The following LOC112694756 variants were observed in gnomAD, a reference collection of about 807,000 sequenced individuals.
chr16:30,054,095 G>A, the LOC112694756 span, among the ~76,000 whole-genome samples: 1 of 152,094 alleles, frequency 6.6e-6, no homozygotes, highest in African/African-American at 2.4e-5. Flanking sequence ...CGAGGCGGGC[G>A]GATCACCTGA....
At chr16:30,065,214 C>A in the LOC112694756 span, among the ~76,000 whole-genome samples, 1 of 152,230 alleles carries the variant, frequency 6.6e-6, no homozygotes. Context: ...GATGCCCTTT[C>A]CTCCGCCTCC....
the LOC112694756 span, among the ~76,000 whole-genome samples, chr16:30,055,777 G>T: frequency 6.6e-6 from 1 of 150,960 alleles, no homozygotes; most frequent in South Asian, 2.1e-4. Context: ...GGGTCCTCCC[G>T]TCTCCTCCCC....
At chr16:30,058,388 A>T in the LOC112694756 span, among the ~76,000 whole-genome samples, 2 of 151,938 alleles carry the variant, frequency 1.3e-5, no homozygotes, top group South Asian at 4.2e-4. Context: ...AGTGACTTGG[A>T]GGTTATATGG....
At chr16:30,055,743 T>G in the LOC112694756 span, among the ~76,000 whole-genome samples, 1 of 152,106 alleles carries the variant, frequency 6.6e-6, no homozygotes, top group Admixed American at 6.6e-5. Context: ...AAGTTGTTTT[T>G]TTTTCTTTCC....
At chr16:30,066,845 C>T in the LOC112694756 span, 6 of 1,532,012 alleles carry the variant, frequency 3.9e-6, no homozygotes, top group East Asian at 2.5e-5. Flanking sequence ...GATTCACGAT[C>T]TTTACATTCT....
the LOC112694756 span, among the ~76,000 whole-genome samples, chr16:30,059,769 G>T: frequency 6.6e-6 from 1 of 151,314 alleles, no homozygotes; most frequent in Non-Finnish European, 1.5e-5. Flanking sequence ...CACCATGTTG[G>T]CCAGGCTGGT....
chr16:30,069,479 G>A, the LOC112694756 span: 415 of 1,613,990 alleles, frequency 2.6e-4, 2 homozygotes, highest in Middle Eastern at 2.6e-3. Context: ...ACTACCCACC[G>A]TGCGCCTGCT....
the LOC112694756 span, chr16:30,069,960 C>T: frequency 1.2e-6 from 2 of 1,614,004 alleles, no homozygotes; most frequent in Non-Finnish European, 1.7e-6. Context: ...AGGCCTCTGC[C>T]CTGAAGGCCT....
the LOC112694756 span, chr16:30,054,805 C>T: frequency 2.5e-6 from 1 of 399,384 alleles, no homozygotes. Context: ...CCCGTGGAAT[C>T]CAACCCCGGC....
the LOC112694756 span, chr16:30,055,108 C>G: frequency 5.0e-6 from 2 of 399,062 alleles, no homozygotes; most frequent in Non-Finnish European, 4.4e-6. Flanking sequence ...CCTTTCCCCT[C>G]GGGAAAGCTG....
At chr16:30,070,379 C>G in the LOC112694756 span, 9 of 656,768 alleles carry the variant, frequency 1.4e-5, no homozygotes, top group Admixed American at 9.6e-5. Flanking sequence ...TCACCCTTTC[C>G]GGCACACTGC....
the LOC112694756 span, chr16:30,067,485 G>A: frequency 8.1e-6 from 13 of 1,613,136 alleles, no homozygotes; most frequent in South Asian, 1.1e-5. Context: ...CATTGGCACC[G>A]AGAACACCGA....
the LOC112694756 span, among the ~76,000 whole-genome samples, chr16:30,058,767 C>T: frequency 2.0e-5 from 3 of 151,502 alleles, no homozygotes; most frequent in South Asian, 2.1e-4. Context: ...CAGGCGTGAG[C>T]CACCACGCCT....
At chr16:30,069,128 G>T in the LOC112694756 span, 2 of 1,398,476 alleles carry the variant, frequency 1.4e-6, no homozygotes, top group Admixed American at 1.9e-5. Context: ...TGAAGGCAGA[G>T]GGGCCAAGGA....
At chr16:30,069,841 C>T in the LOC112694756 span, 1,055 of 1,614,138 alleles carry the variant, frequency 6.5e-4, 9 homozygotes, top group South Asian at 3.9e-3. Context: ...GATCACCTTC[C>T]TGTCTGGAGG....
the LOC112694756 span, chr16:30,069,598 C>G: frequency 7.4e-6 from 12 of 1,614,012 alleles, no homozygotes; most frequent in Non-Finnish European, 1.7e-6. Flanking sequence ...TGCTTGCACT[C>G]AGAAGTTTTC....
chr16:30,064,307 C>T, the LOC112694756 span: 1 of 395,586 alleles, frequency 2.5e-6, no homozygotes, highest in East Asian at 3.6e-5. Flanking sequence ...TCCAGAGAAT[C>T]AGAACAGCCA....
At chr16:30,056,940 T>C in the LOC112694756 span, among the ~76,000 whole-genome samples, 10 of 147,026 alleles carry the variant, frequency 6.8e-5, no homozygotes, top group South Asian at 2.2e-3. Flanking sequence ...AGACGAGTCT[T>C]GCTCTTGTCA....
chr16:30,069,699 CTA>C, the LOC112694756 span: 1 of 1,612,928 alleles, frequency 6.2e-7, no homozygotes, highest in Non-Finnish European at 8.5e-7. Flanking sequence ...ATCTTGATCT[CTA>C]TGCAGTAGAT....
Sources: allele counts gnomAD v4.1 joint callset (sites outside exome capture counted in the v4.1 genomes callset), GRCh38; gene constraint gnomAD v4.1.1; transcripts MANE v1.5.